The following NIPBL variants were observed in gnomAD, a reference collection of about 807,000 sequenced individuals.
The protein encoded by NIPBL is NIPBL cohesin loading factor.
In NIPBL, 19 loss-of-function variants were observed where a neutral mutation model predicts 321.8. That is an observed-to-expected ratio of 0.06 (90% CI 0.04 to 0.09). The LOEUF (loss-of-function observed/expected upper bound fraction) is 0.09. Ranked by LOEUF, NIPBL falls within the 10% of genes least tolerant of loss-of-function variation. The pLI is 1.00. For missense variants in NIPBL, 2,210 were observed against 3,327.0 expected, an observed-to-expected ratio of 0.66 and a Z score of 8.26; for synonymous variants, 1,106 against 1,114.1, an observed-to-expected ratio of 0.99 and a Z score of 0.14.
At chr5:36,882,315 A>G (rs1262622559) in intron 1 of NIPBL, among the ~76,000 whole-genome samples, 2 of 151,858 alleles carry the variant, frequency 1.3e-5, no homozygotes, top group African/African-American at 2.4e-5. Context: ...TGTAATATGT[A>G]GTATTATTGA....
At chr5:37,010,343 T>C (rs974515055) in intron 21 of NIPBL, 118 bp downstream of exon 21, 8 of 832,860 alleles carry the variant, frequency 9.6e-6, no homozygotes, top group African/African-American at 1.7e-5. Flanking sequence ...TGAGACGGAG[T>C]CTCGCTCTGT....
At chr5:36,940,638 C>CTTTGT (rs1338252072) in intron 1 of NIPBL, among the ~76,000 whole-genome samples, 11 of 152,008 alleles carry the variant, frequency 7.2e-5, no homozygotes, top group African/African-American at 1.4e-4. Flanking sequence ...TCTTGCAGCA[C>CTTTGT]TTTGTTTTGT....
Position 37,022,207 on chromosome 5 carries a change from A to T in NIPBL, c.5428-37A>T, listed in dbSNP as rs745917268. On this transcript the variant is annotated intron_variant, in intron 28 of 46. Coordinates refer to ENST00000282516, the MANE Select transcript of NIPBL (RefSeq NM_133433.4). ...TCGAATTGGAATATTCACTCTATTT[A>T]GGTATAAATTGTTTTTTTCTCTTCA... The T allele has an allele frequency of 6.2e-6, 10 of 1,613,100 alleles. No homozygotes were observed. In the South Asian group the frequency reaches 1.1e-4, roughly 18 times the overall value.
chr5:36,989,781 G>A (rs2149652659), intron 10 of NIPBL, among the ~76,000 whole-genome samples: 1 of 146,984 alleles, frequency 6.8e-6, no homozygotes, highest in Non-Finnish European at 1.5e-5. Flanking sequence ...GGAGATTACA[G>A]TGAGCTGAGA....
intron 44 of NIPBL, among the ~76,000 whole-genome samples, chr5:37,060,538 T>C (rs1320860207): frequency 6.6e-6 from 1 of 152,078 alleles, no homozygotes; most frequent in East Asian, 1.9e-4. Context: ...TTTGAGGCAA[T>C]GCTAAGGAGT....
chr5:37,016,438 G>A (rs1365198970), intron 23 of NIPBL, among the ~76,000 whole-genome samples: 2 of 151,240 alleles, frequency 1.3e-5, no homozygotes, highest in Non-Finnish European at 2.9e-5. Context: ...ATTGTTAAAA[G>A]CATCTCAACA....
intron 16 of NIPBL, 38 bp from the exon 17 acceptor site, chr5:37,006,319 G>A (rs905678238): frequency 1.9e-5 from 20 of 1,078,676 alleles, no homozygotes; most frequent in African/African-American, 4.7e-5. Context: ...ACCTATAAAT[G>A]TGTTTATTTC....
At chr5:37,014,965 A>C (rs189943221) in intron 22 of NIPBL, among the ~76,000 whole-genome samples, 200 bp downstream of exon 22, 4 of 152,158 alleles carry the variant, frequency 2.6e-5, no homozygotes, top group Admixed American at 2.6e-4. Flanking sequence ...CGGGGGAAAA[A>C]AATCTAAAAT....
rs749483452 is a variant in NIPBL, at chr5:36,995,674, A to G, written c.3174A>G (p.Glu1058=). The change falls in exon 11 of 47, where the codon GAA becomes GAG. Residue 1058 remains glutamate (E), a synonymous_variant. Transcript: ENST00000282516. Reference sequence around the variant, plus strand: ...AATTACCCCCTGAACTCCTGGCAGAAATTGAGTCCACCATGCCACTTTGTG... The same window carrying G: ...AATTACCCCCTGAACTCCTGGCAGAGATTGAGTCCACCATGCCACTTTGTG... ...LKELPPELLA[E]IESTMPLCER... is the part of the protein sequence containing the mutation. The G allele has an allele frequency of 1.2e-6, 2 of 1,613,576 alleles. No homozygotes were observed. Among genetic ancestry groups the G allele is most frequent in the South Asian group, 2.2e-5 (2 of 91,074 alleles).
Position 36,986,107 on chromosome 5 carries a change from T to C in NIPBL, c.2927T>C (p.Met976Thr), listed in dbSNP as rs1243348833. Residue 976 changes from methionine to threonine, a missense_variant, in exon 10 of 47, where the codon ATG (methionine) becomes ACG (threonine). Around this residue, in one of 14 missense-constraint regions of NIPBL, gnomAD observed 588 missense variants for 564.1 expected, o/e 1.04. Transcript: ENST00000282516. ...DGNVTQETKK[M>T]EMKGEPKDKV... ...AATGTTACTCAGGAGACAAAGAAAA[T>C]GGAAATGAAAGGAGAGCCGAAAGAC... The C allele has an allele frequency of 6.2e-7, 1 of 1,613,082 alleles. No homozygotes were observed. Among genetic ancestry groups the C allele is most frequent in the Admixed American group, 1.7e-5 (1 of 59,880 alleles).
At position 36,986,180 on chromosome 5, in the gene NIPBL, G is replaced by A; in HGVS notation, c.3000G>A (p.Lys1000=). 1 of 1,610,978 alleles carries A rather than the reference G, an allele frequency of 6.2e-7. No individual in the cohort carries two copies. The part of the protein sequence containing the change: ...GLVEDLNKGA[K]PVVVLQKLSL... ...TTGAAGATCTAAATAAAGGAGCTAA[G>A]CCTGTAGTTGTGCTACAAAAACTGT... Residue 1000 remains lysine, a synonymous_variant, in exon 10 of 47, where the codon AAG becomes AAA. Transcript: ENST00000282516.
rs1168615811 is a variant in NIPBL at position 36,985,906 on chromosome 5, G to A, written c.2726G>A (p.Gly909Asp). 5 of 1,613,722 alleles carry A rather than the reference G, an allele frequency of 3.1e-6. No homozygotes were observed. In the East Asian group the frequency reaches 1.1e-4, roughly 36 times the overall value. ...AATAAATCAAGATCTGATAAACTTG[G>A]TTTTAAATCACCAACTAGTAAAGAT... ...DSNKSRSDKLGFKSPTSKDDK... is the reference protein window; with the variant it reads ...DSNKSRSDKLDFKSPTSKDDK... The change falls in exon 10 of 47, where the codon GGT becomes GAT. Residue 909 changes from glycine to aspartate, a missense_variant. Physicochemically the swap from Gly to Asp is moderately conservative, Grantham distance 94. This residue lies in a region of NIPBL where 588 missense variants were observed against 564.1 expected (regional missense o/e 1.04). Transcript: ENST00000282516.
chr5:36,894,684 G>C (rs1039874940), intron 1 of NIPBL, among the ~76,000 whole-genome samples: 1 of 152,036 alleles, frequency 6.6e-6, no homozygotes, highest in Non-Finnish European at 1.5e-5. Context: ...AGAATCCTCT[G>C]TGGATTATTT....
intron 1 of NIPBL, among the ~76,000 whole-genome samples, chr5:36,906,819 TTAATC>T (rs1394414668): frequency 2.6e-5 from 4 of 152,184 alleles, no homozygotes; most frequent in Non-Finnish European, 4.4e-5. Flanking sequence ...TTCTAGAACT[TTAATC>T]TATATGTTCC....
chr5:36,877,881 T>TC (rs1349315483), intron 1 of NIPBL, among the ~76,000 whole-genome samples: 2 of 152,216 alleles, frequency 1.3e-5, no homozygotes, highest in Non-Finnish European at 2.9e-5. Context: ...CATCTCCCCC[T>TC]CCCCAAGAGC....
intron 1 of NIPBL, among the ~76,000 whole-genome samples, chr5:36,941,121 A>G (rs1325581790): frequency 1.3e-5 from 2 of 152,186 alleles, no homozygotes; most frequent in African/African-American, 4.8e-5. Context: ...AAAGAAAGAA[A>G]TTAATCACTT....
In NIPBL at chr5:37,065,054, G is replaced by T; in HGVS notation, c.*162G>T. On this transcript the variant is annotated 3_prime_UTR_variant, in exon 47 of 47. Transcript: ENST00000282516. ...ATGTTGGGCAAACATTTTTGTGGGA[G>T]CTCCCTTCGCTGTTGTGCAGCAGAA... The T allele has an allele frequency of 1.3e-6, 1 of 750,588 alleles. No homozygotes were observed. 46.5% of individuals were successfully genotyped at this position (750,588 alleles called of 1,614,324 possible).
chr5:36,955,504 C>T lies in NIPBL; in HGVS notation c.97C>T (p.Pro33Ser). The change falls in exon 3 of 47, where the codon CCT becomes TCT. Residue 33 changes from proline to serine, a missense_variant. By Grantham distance (74) the Pro-to-Ser change is moderately conservative. Around this residue, in one of 14 missense-constraint regions of NIPBL, gnomAD observed 28 missense variants for 65.5 expected, o/e 0.43. Coordinates refer to ENST00000282516, the MANE Select transcript of NIPBL (RefSeq NM_133433.4). ...LNQLPLPSPL[P>S]ATTTKSLLFN... ...CCAGCTGCCTCTTCCATCTCCTTTA[C>T]CTGCTACAACTACAAAGAGCCTTCT... is the stretch of plus-strand genomic sequence containing the variant. 1 of 1,613,932 alleles carries T rather than the reference C, an allele frequency of 6.2e-7. No individual in the cohort carries two copies. The highest frequency in any genetic ancestry group is 8.5e-7 in the Non-Finnish European group (1 of 1,179,842).
intron 9 of NIPBL, among the ~76,000 whole-genome samples, chr5:36,980,093 C>A (rs533692979): frequency 2.0e-5 from 3 of 151,692 alleles, no homozygotes; most frequent in East Asian, 3.9e-4. Flanking sequence ...AAATAAGGGT[C>A]ATATATAGTT....
Sources: gnomAD v4.1 joint callset for allele counts (sites outside exome capture counted in the v4.1 genomes callset) on GRCh38, gnomAD v4.1.1 for gene constraint, gnomAD v4.1.1 regional missense constraint, MANE v1.5 for transcripts, NCBI Gene and HGNC (gene_info 2026-07-23, HGNC 2026-07-21) for gene names.